RBFOX1: variants seen among roughly 807,000 people sequenced by gnomAD.
The protein encoded by RBFOX1 is RNA binding fox-1 homolog 1, also known as RNA binding protein fox-1 homolog 1.
RBFOX1 carries 8 observed loss-of-function variants against 57.7 expected under a neutral mutation model. The ratio of observed to expected loss-of-function variants is 0.14; its 90% CI spans 0.08 to 0.25. The LOEUF (loss-of-function observed/expected upper bound fraction) is 0.25. RBFOX1 is among the 10% of genes least tolerant of loss of function. The pLI is 1.00. For synonymous variants in RBFOX1, 326 were observed against 222.4 expected (o/e 1.47, Z -4.15); for missense variants, 611 against 548.5 (o/e 1.11, Z -1.14).
intron 3 of RBFOX1, among the ~76,000 whole-genome samples, chr16:6,668,186 A>G (rs1010251015): frequency 2.0e-5 from 3 of 152,228 alleles, no homozygotes; most frequent in Non-Finnish European, 4.4e-5. Context: ...GATTGGAAAC[A>G]GATTGAATCT....
At chr16:6,229,545 A>G (rs2097442958) in intron 1 of RBFOX1, among the ~76,000 whole-genome samples, 2 of 152,252 alleles carry the variant, frequency 1.3e-5, no homozygotes, top group South Asian at 4.1e-4. Context: ...CGCTCATAAA[A>G]AGAGATAAAT....
rs574610805 is a variant in RBFOX1, at chr16:5,739,418, A to G, written c.319-127885A>G. Among the ~76,000 whole-genome samples the G allele has an allele frequency of 2.0e-5, 3 of 152,350 alleles. No homozygotes were observed. In the East Asian group the frequency reaches 5.8e-4, roughly 29 times the overall value. The stretch of plus-strand genomic sequence containing the variant: ...TGCCATTGTGGCACTTGTGTCTGGT[A>G]GGGGGAAAGTGGATAATAAAAATAA... On this transcript the variant is annotated intron_variant, in intron 3 of 19. Coordinates refer to the RBFOX1 transcript ENST00000641259.
At chr16:6,624,848 C>G (rs145913387) in intron 2 of RBFOX1, among the ~76,000 whole-genome samples, 2 of 152,058 alleles carry the variant, frequency 1.3e-5, no homozygotes, top group Admixed American at 6.6e-5. Flanking sequence ...CCATGTAAGA[C>G]CAGCCCTTTG....
At chr16:7,172,680 A>G (rs529191450) in intron 4 of RBFOX1, among the ~76,000 whole-genome samples, 18 of 152,324 alleles carry the variant, frequency 1.2e-4, no homozygotes, top group Middle Eastern at 3.4e-3. Flanking sequence ...CACAAGGCTG[A>G]AAGCAGGAGG....
intron 4 of RBFOX1, among the ~76,000 whole-genome samples, chr16:7,258,689 G>T (rs766124823): frequency 6.6e-6 from 1 of 151,982 alleles, no homozygotes; most frequent in Non-Finnish European, 1.5e-5. Flanking sequence ...AACTGCAAAG[G>T]TCATGGTTGC....
At chr16:5,737,850 ATTTTT>A (rs1164181013) in intron 3 of RBFOX1, among the ~76,000 whole-genome samples, 2 of 151,972 alleles carry the variant, frequency 1.3e-5, no homozygotes, top group Non-Finnish European at 2.9e-5. Flanking sequence ...TTATTCTTTT[ATTTTT>A]ATTTATTTTT....
chr16:7,300,381 A>T (rs528882851), intron 4 of RBFOX1, among the ~76,000 whole-genome samples: 1 of 152,350 alleles, frequency 6.6e-6, no homozygotes, highest in Admixed American at 6.5e-5. Context: ...AGTGCTTTTG[A>T]TACAGATAAA....
chr16:7,558,841 GA>G (rs2089547955), intron 5 of RBFOX1, among the ~76,000 whole-genome samples: 3 of 152,190 alleles, frequency 2.0e-5, no homozygotes, highest in African/African-American at 7.2e-5. Context: ...ATAAGTATAT[GA>G]AAATACTATA....
intron 2 of RBFOX1, among the ~76,000 whole-genome samples, chr16:6,378,929 G>A (rs2152911346): frequency 6.6e-6 from 1 of 152,292 alleles, no homozygotes; most frequent in South Asian, 2.1e-4. Flanking sequence ...TGGTAGCACT[G>A]ATCTTGTTGA....
At chr16:6,916,478 A>G (rs1352779953) in intron 3 of RBFOX1, among the ~76,000 whole-genome samples, 1 of 150,276 alleles carries the variant, frequency 6.7e-6, no homozygotes, top group East Asian at 2.0e-4. Context: ...AATAAATAGC[A>G]TTTTAGTTGT....
At chr16:5,862,614 A>G (rs1309206457) in intron 3 of RBFOX1, among the ~76,000 whole-genome samples, 1 of 152,110 alleles carries the variant, frequency 6.6e-6, no homozygotes. Flanking sequence ...GATGATAGAG[A>G]CCGGGTTCAG....
chr16:7,393,282 T>A (rs1212222636), intron 4 of RBFOX1, among the ~76,000 whole-genome samples: 1 of 152,178 alleles, frequency 6.6e-6, no homozygotes, highest in African/African-American at 2.4e-5. Context: ...CTTCAGACCT[T>A]AATCCTTAAG....
intron 2 of RBFOX1, among the ~76,000 whole-genome samples, chr16:6,578,604 T>TGTGTGTGTGTGA (rs1423777026): frequency 5.4e-5 from 8 of 147,640 alleles, no homozygotes; most frequent in African/African-American, 1.5e-4. Context: ...TGTGCGTGTG[T>TGTGTGTGTGTGA]GTGTGTGTGA....
intron 3 of RBFOX1, among the ~76,000 whole-genome samples, chr16:5,696,828 T>G (rs1455051565): frequency 6.6e-6 from 1 of 152,096 alleles, no homozygotes; most frequent in Non-Finnish European, 1.5e-5. Context: ...ATTTATATAT[T>G]TAAATTATGT....
At chr16:6,575,133 C>G (rs1313225162) in intron 2 of RBFOX1, among the ~76,000 whole-genome samples, 1 of 151,626 alleles carries the variant, frequency 6.6e-6, no homozygotes, top group Non-Finnish European at 1.5e-5. Flanking sequence ...GGCGACAGGA[C>G]AGATTACGAC....
chr16:6,467,094 A>G (rs1239604329), intron 2 of RBFOX1, among the ~76,000 whole-genome samples: 1 of 151,066 alleles, frequency 6.6e-6, no homozygotes, highest in African/African-American at 2.4e-5. Context: ...TTAATGTAAT[A>G]TAATAAAATT....
chr16:6,844,767 C>G (rs1205079503), intron 3 of RBFOX1, among the ~76,000 whole-genome samples: 3 of 152,174 alleles, frequency 2.0e-5, no homozygotes, highest in Non-Finnish European at 4.4e-5. Flanking sequence ...GTTAGACCAT[C>G]TTCTGCAATG....
intron 1 of RBFOX1, among the ~76,000 whole-genome samples, chr16:5,313,195 G>A (rs2064138610): frequency 2.0e-5 from 3 of 152,174 alleles, no homozygotes; most frequent in Admixed American, 2.0e-4. Flanking sequence ...GTCATGCACA[G>A]CCTGTTGAAG....
rs1013035208 is a variant in RBFOX1 at position 7,634,095 on chromosome 16, C to A, written c.757+3412C>A. On this transcript the variant is annotated intron_variant, in intron 11 of 15. Coordinates refer to ENST00000550418, the MANE Select transcript of RBFOX1 (RefSeq NM_018723.4). ...CAGGGCTGAGAGTCACATATTTTAT[C>A]TTTGCTCTCTGATGGGTGCAGACTT... Among the ~76,000 whole-genome samples, 4 of 152,328 alleles carry A rather than the reference C, an allele frequency of 2.6e-5. No homozygotes were observed. The South Asian group carries it at 8.3e-4, about 32-fold the overall frequency.
Sources: gnomAD v4.1 joint callset for allele counts (sites outside exome capture counted in the v4.1 genomes callset) on GRCh38, gnomAD v4.1.1 for gene constraint, MANE v1.5 for transcripts, NCBI Gene and HGNC (gene_info 2026-07-23, HGNC 2026-07-21) for gene names.